ADGB: variants seen among roughly 807,000 people sequenced by gnomAD.
The protein encoded by ADGB is calpain-7-like protein.
Under a neutral mutation model 210.5 loss-of-function variants are expected in ADGB, and 172 were observed. The ratio of observed to expected loss-of-function variants is 0.82; its 90% confidence interval spans 0.72 to 0.93. The LOEUF is 0.93. Ranked by LOEUF, ADGB falls within the 40% of genes least tolerant of loss-of-function variation. The pLI is 0.00. For missense variants in ADGB, 2,025 were observed against 1,964.8 expected, an observed-to-expected ratio of 1.03 and a Z score of -0.58; for synonymous variants, 658 against 662.7, an observed-to-expected ratio of 0.99 and a Z score of 0.11.
rs774529146 is a variant in ADGB at position 146,666,860 on chromosome 6, T to C, written c.797T>C (p.Ile266Thr). The C allele has an allele frequency of 1.3e-5, 20 of 1,548,362 alleles. No individual in the cohort carries two copies. The South Asian group carries it at 2.4e-4, about 18-fold the overall frequency. ...AGAGAGCTGGGGGAGTTCACGGTTA[T>C]TCATGCGCTCACAGGATGGTTACCA... ...DRRELGEFTV[I>T]HALTGWLPEV... The change falls in exon 7 of 36, where the codon ATT becomes ACT. Residue 266 changes from isoleucine (I) to threonine (T), a missense_variant. By Grantham distance (89) the Ile-to-Thr change is moderately conservative (BLOSUM62 -1). Transcript: ENST00000397944.
In ADGB at chr6:146,672,130, A is replaced by G. The variant is rs1193888859; in HGVS notation, c.840-90A>G. ...CAATTGAAATTATTCATTAAATAGC[A>G]AGTTGATTTTTCTGTCAGTAATTTC... On this transcript the variant is annotated intron_variant, in intron 7 of 35. Coordinates refer to ENST00000397944, the MANE Select transcript of ADGB (RefSeq NM_024694.4). 3 of 1,385,132 alleles carry G rather than the reference A, an allele frequency of 2.2e-6. No homozygotes were observed. The African/African-American group carries it at 4.4e-5, about 20-fold the overall frequency. The allele number at this position is 1,385,132 out of a possible 1,614,324, so 85.8% of individuals were successfully genotyped here.
chr6:146,697,294 G>C (rs1335645581), intron 12 of ADGB, among the ~76,000 whole-genome samples: 2 of 152,096 alleles, frequency 1.3e-5, no homozygotes, highest in Non-Finnish European at 2.9e-5. Flanking sequence ...GATGGTTGCC[G>C]TTAAAATTGT....
At chr6:146,662,144 A>C (rs920579148) in intron 5 of ADGB, among the ~76,000 whole-genome samples, 5 of 152,100 alleles carry the variant, frequency 3.3e-5, no homozygotes, top group African/African-American at 1.2e-4. Flanking sequence ...GTTTAGTCTG[A>C]GTTCCTTGAG....
chr6:146,758,757 T>C (rs1777446309), intron 27 of ADGB, among the ~76,000 whole-genome samples: 1 of 152,026 alleles, frequency 6.6e-6, no homozygotes, highest in Non-Finnish European at 1.5e-5. Flanking sequence ...TTCTTCTGAC[T>C]GCCTTGAATA....
At chr6:146,716,791 C>T in intron 14 of ADGB, 92 bp from the exon 15 acceptor site, 1 of 1,241,544 alleles carries the variant, frequency 8.1e-7, no homozygotes. Context: ...CAAAAATAGA[C>T]TTTGATATTT....
intron 35 of ADGB, among the ~76,000 whole-genome samples, chr6:146,805,113 G>T (rs569435459): frequency 1.3e-5 from 2 of 152,138 alleles, no homozygotes; most frequent in Non-Finnish European, 2.9e-5. Context: ...AAGATCCCCT[G>T]GCTGAAGGAG....
intron 25 of ADGB, among the ~76,000 whole-genome samples, chr6:146,745,267 A>G (rs546320879): frequency 5.3e-5 from 8 of 152,262 alleles, no homozygotes; most frequent in African/African-American, 1.9e-4. Context: ...AATTACTTTG[A>G]ACATTTGCAT....
chr6:146,793,196 C>T (rs140288671), intron 33 of ADGB, among the ~76,000 whole-genome samples: 99 of 142,864 alleles, frequency 6.9e-4, no homozygotes, highest in African/African-American at 2.1e-3. Context: ...TTTTACAGAG[C>T]GCTGATTGGT....
At chr6:146,681,035 C>T (rs557522468) in intron 9 of ADGB, among the ~76,000 whole-genome samples, 28 of 152,244 alleles carry the variant, frequency 1.8e-4, no homozygotes, top group Admixed American at 3.9e-4. Flanking sequence ...CACTTCTGGT[C>T]TCATTCTATT....
chr6:146,780,127 T>C (rs1373209713), intron 29 of ADGB, among the ~76,000 whole-genome samples: 2 of 152,042 alleles, frequency 1.3e-5, no homozygotes, highest in Non-Finnish European at 2.9e-5. Flanking sequence ...AACAAAGTTT[T>C]TGTATACTAT....
rs1343723698 is a variant in ADGB at position 146,733,217 on chromosome 6, T to C, written c.2618T>C (p.Leu873Ser). The C allele has an allele frequency of 6.5e-7, 1 of 1,540,856 alleles. No homozygotes were observed. Among genetic ancestry groups the C allele is most frequent in the African/African-American group, 1.4e-5 (1 of 72,788 alleles). ...KFAFRAMVLD[L>S]ELLNSSLEEV... ...GCATTCCGGGCTATGGTTTTGGACT[T>C]GGAGTTACTCAATTCCTCCTTGGAA... The change falls in exon 21 of 36, where the codon TTG (leucine) becomes TCG (serine). Residue 873 changes from leucine to serine, a missense_variant. Leu to Ser is a moderately radical substitution (Grantham distance 145). Coordinates refer to ENST00000397944, the MANE Select transcript of ADGB (RefSeq NM_024694.4).
intron 4 of ADGB, 71 bp from the exon 5 acceptor site, chr6:146,656,700 G>T: frequency 9.2e-7 from 1 of 1,089,908 alleles, no homozygotes; most frequent in East Asian, 2.7e-5. Context: ...TTTTTTTACT[G>T]TTTTTATCCC....
chr6:146,784,613 A>G lies in ADGB; in HGVS notation c.4036-5A>G, dbSNP rs555971072. The stretch of plus-strand genomic sequence containing the variant: ...TGCAAAACCCAAAGGTTTTTATTTT[A>G]TCAGATATCCACTGTTCACCCTCAA... On this transcript the variant is annotated splice_region_variant and splice_polypyrimidine_tract_variant and intron_variant, in intron 30 of 35. Transcript: ENST00000397944. The G allele has an allele frequency of 4.6e-6, 7 of 1,511,050 alleles. No homozygotes were observed. The East Asian group carries it at 1.5e-4, about 32-fold the overall frequency. 93.6% of individuals were successfully genotyped at this position (1,511,050 alleles called of 1,614,324 possible).
chr6:146,752,749 C>G, intron 27 of ADGB, 35 bp downstream of exon 27: 1 of 1,457,952 alleles, frequency 6.9e-7, no homozygotes, highest in Non-Finnish European at 9.1e-7. Context: ...TAGTTAGATT[C>G]ATAAATGGAT....
At chr6:146,601,628 G>T (rs1780558123) in intron 1 of ADGB, among the ~76,000 whole-genome samples, 1 of 152,110 alleles carries the variant, frequency 6.6e-6, no homozygotes, top group African/African-American at 2.4e-5. Flanking sequence ...ACCACACCTT[G>T]TGTTTACATA....
chr6:146,687,114 G>T (rs1354549163), intron 10 of ADGB, among the ~76,000 whole-genome samples: 1 of 152,030 alleles, frequency 6.6e-6, no homozygotes, highest in Non-Finnish European at 1.5e-5. Flanking sequence ...GTGCCATCCT[G>T]AATATGGCAG....
rs185611202 is a variant in ADGB, at chr6:146,784,554, G to A, written c.4036-64G>A. ...TAATAGTGAAATTATGTATCATATG[G>A]TAAAATCTAGACCCTTTTGAAAGAA... On this transcript the variant is annotated intron_variant, in intron 30 of 35. Transcript: ENST00000397944. 8.6e-3 allele frequency: 10,873 copies of A among 1,266,950 alleles called. 67 individuals carry two copies. Among genetic ancestry groups the A allele is most frequent in the Non-Finnish European group, 0.01 (9,792 of 951,120 alleles). The allele number at this position is 1,266,950 out of a possible 1,614,324, so 78.5% of individuals were successfully genotyped here.
chr6:146,807,991 AG>A (rs1388047325), intron 35 of ADGB, among the ~76,000 whole-genome samples: 3 of 112,036 alleles, frequency 2.7e-5, no homozygotes, highest in African/African-American at 3.6e-5. Flanking sequence ...ACTATGCTTC[AG>A]TTTTTTTTTT....
At chr6:146,671,679 G>T (rs950935025) in intron 7 of ADGB, among the ~76,000 whole-genome samples, 1 of 152,038 alleles carries the variant, frequency 6.6e-6, no homozygotes, top group Non-Finnish European at 1.5e-5. Flanking sequence ...GAGAGCTGTG[G>T]GAAAAGAATT....
Sources: gnomAD v4.1 joint callset for allele counts (sites outside exome capture counted in the v4.1 genomes callset) on GRCh38, gnomAD v4.1.1 for gene constraint, MANE v1.5 for transcripts, NCBI Gene and HGNC (gene_info 2026-07-23, HGNC 2026-07-21) for gene names.